The following AZI2 variants were observed in gnomAD, a reference collection of about 807,000 sequenced individuals.
AZI2 encodes the protein 5-azacytidine induced 2, also known as 5-azacytidine-induced protein 2.
In AZI2, 22 loss-of-function variants were observed where a neutral mutation model predicts 45.8. That is an observed-to-expected ratio of 0.48 (90% CI 0.34 to 0.69). The LOEUF is 0.69. AZI2 is among the 30% of genes least tolerant of loss of function. The pLI, the probability that AZI2 is intolerant of heterozygous loss-of-function variation, is 0.01. For synonymous variants in AZI2, 137 were observed against 156.7 expected (o/e 0.87, Z 0.94); for missense variants, 417 against 441.5 (o/e 0.94, Z 0.50).
At chr3:28,328,127 T>G (rs968574533) in intron 6 of AZI2, among the ~76,000 whole-genome samples, 4 of 151,026 alleles carry the variant, frequency 2.6e-5, no homozygotes, top group African/African-American at 9.7e-5. Flanking sequence ...TTTAGTCTGT[T>G]GTAAACATCA....
In AZI2 at chr3:28,340,547, G is replaced by A. The variant is rs1577138141; in HGVS notation, c.71C>T (p.Thr24Ile). Residue 24 changes from threonine (T) to isoleucine (I), a missense_variant, in exon 2 of 8, where the codon ACT becomes ATT. Thr to Ile is a moderately conservative substitution (Grantham distance 89). Transcript: ENST00000479665. ...ATCTCCTGAATATATTGAAACTGGA[G>A]TCACTGTATCTCTCTTATGGGCTTT... ...HEKAHKRDTVTPVSIYSGDES... is the reference protein window; with the variant it reads ...HEKAHKRDTVIPVSIYSGDES... 3 of 1,613,106 alleles carry A rather than the reference G, an allele frequency of 1.9e-6. No individual in the cohort carries two copies. The highest frequency in any genetic ancestry group is 1.1e-5 in the South Asian group (1 of 91,014).
In AZI2 at chr3:28,324,155, TAGG is replaced by T. The variant is rs1400198131; in HGVS notation, c.1063_1065del (p.Pro355del). The T allele has an allele frequency of 6.2e-7, 1 of 1,610,748 alleles. No individual in the cohort carries two copies. The highest frequency in any genetic ancestry group is 8.5e-7 in the Non-Finnish European group (1 of 1,177,658). ...TCCCCAAATGCTGTCTCACTTGATT[TAGG>T]AGGACTTGGAAATACCCAGGAATTG... is the stretch of plus-strand genomic sequence containing the variant. On this transcript the variant is annotated inframe_deletion, in exon 8 of 8. Transcript: ENST00000479665.
rs921238217 is a variant in AZI2 at position 28,323,871 on chromosome 3, A to C, written c.*171T>G. 4.5e-6 allele frequency: 3 copies of C among 661,554 alleles called. No homozygotes were observed. Among genetic ancestry groups the C allele is most frequent in the African/African-American group, 3.7e-5 (2 of 54,720 alleles). The allele number at this position is 661,554 out of a possible 1,614,324, so 41.0% of individuals were successfully genotyped here. On this transcript the variant is annotated 3_prime_UTR_variant, in exon 8 of 8. Transcript: ENST00000479665. The stretch of plus-strand genomic sequence containing the variant: ...GCTAGAGGGTGCTCTTTCATACTAG[A>C]AAACCAACTATGTTGGTTTTTGTAC...
chr3:28,341,667 A>T (rs1238767303), intron 1 of AZI2: 1 of 152,118 alleles, frequency 6.6e-6, no homozygotes, highest in East Asian at 1.9e-4. Context: ...ACAGAATAAG[A>T]GGGACTTTAG....
chr3:28,345,786 T>C (rs1367352267), intron 1 of AZI2, among the ~76,000 whole-genome samples: 2 of 152,144 alleles, frequency 1.3e-5, no homozygotes, highest in Admixed American at 1.3e-4. Flanking sequence ...ATGCTACGTA[T>C]GTCAAAGTTT....
intron 1 of AZI2, among the ~76,000 whole-genome samples, chr3:28,344,652 A>G (rs1324455919): frequency 3.3e-5 from 5 of 152,104 alleles, no homozygotes; most frequent in Admixed American, 1.3e-4. Context: ...GTAAAAGTGT[A>G]ACTGGCTATT....
intron 3 of AZI2, 149 bp from the exon 4 acceptor site, chr3:28,338,185 T>A: frequency 1.9e-6 from 1 of 513,642 alleles, no homozygotes; most frequent in East Asian, 3.2e-5. Context: ...ATGTCTTTTT[T>A]TCTTTTCCTA....
intron 6 of AZI2, among the ~76,000 whole-genome samples, chr3:28,331,369 AAAAAAG>A (rs1171460323): frequency 1.3e-5 from 2 of 151,498 alleles, no homozygotes; most frequent in South Asian, 2.1e-4. Context: ...ACATTTTTCA[AAAAAAG>A]AAAAAGTTTC....
chr3:28,330,977 T>A (rs539863989), intron 6 of AZI2, among the ~76,000 whole-genome samples: 30 of 151,494 alleles, frequency 2.0e-4, no homozygotes, highest in South Asian at 4.1e-4. Context: ...CTTGAAAATA[T>A]CTCCTTGGGA....
rs1174754127 is a variant in AZI2, at chr3:28,338,048, G to A, written c.340-12C>T. On this transcript the variant is annotated splice_polypyrimidine_tract_variant and intron_variant, in intron 3 of 7. Coordinates refer to ENST00000479665, the MANE Select transcript of AZI2 (RefSeq NM_022461.5). ...GAGTTGTCTTTATTCTAGTTAAGTA[G>A]GGAAAATGCCAAATTACATTCAATA... The A allele has an allele frequency of 2.1e-6, 3 of 1,458,102 alleles. No homozygotes were observed. In the Admixed American group the frequency reaches 5.5e-5, roughly 27 times the overall value. 90.3% of individuals were successfully genotyped at this position (1,458,102 alleles called of 1,614,324 possible).
intron 7 of AZI2, chr3:28,324,736 C>T: frequency 3.5e-6 from 1 of 285,516 alleles, no homozygotes; most frequent in Non-Finnish European, 6.5e-6. Flanking sequence ...CCAACTATGT[C>T]ATAGAGCTTT....
intron 4 of AZI2, chr3:28,337,169 A>G: frequency 3.4e-6 from 1 of 290,150 alleles, no homozygotes; most frequent in African/African-American, 2.2e-5. Flanking sequence ...AGGTTAAAAC[A>G]GTGATAAAAA....
In AZI2 at chr3:28,321,282, TAAATG is replaced by T. The variant is rs1186972526; in HGVS notation, c.*2755_*2759del. 1 of 151,306 alleles carries T rather than the reference TAAATG, an allele frequency of 6.6e-6. No homozygotes were observed. The highest frequency in any genetic ancestry group is 2.4e-5 in the African/African-American group (1 of 41,324). The allele number at this position is 151,306 out of a possible 1,614,324, so 9.4% of individuals were successfully genotyped here. A position where few individuals can be genotyped will look rare whatever the true frequency, so the allele number is the denominator to read the frequency against. On this transcript the variant is annotated 3_prime_UTR_variant, in exon 8 of 8. Coordinates refer to ENST00000479665, the MANE Select transcript of AZI2 (RefSeq NM_022461.5). ...ACAGGAAGTTAACTGTTTTTAGAGA[TAAATG>T]AAAATGGAAGAGTTACTTTAAGAAG...
Position 28,326,661 on chromosome 3 carries a change from T to C in AZI2, c.766+171A>G. On this transcript the variant is annotated intron_variant, in intron 7 of 7. Transcript: ENST00000479665. ...ATCAGCAACACCTTTATGTGTGAAG[T>C]TGACCAGTATGAGACTGAAGCCAAA... is the stretch of plus-strand genomic sequence containing the variant. 8.9e-6 allele frequency: 6 copies of C among 676,086 alleles called. No homozygotes were observed. In the Admixed American group the frequency reaches 9.4e-5, roughly 11 times the overall value. 41.9% of individuals were successfully genotyped at this position (676,086 alleles called of 1,614,324 possible). A position where few individuals can be genotyped will look rare whatever the true frequency, so the allele number is the denominator to read the frequency against.
Position 28,324,315 on chromosome 3 carries a change from A to G in AZI2, c.906T>C (p.Pro302=), listed in dbSNP as rs1703299068. 1 of 1,606,828 alleles carries G rather than the reference A, an allele frequency of 6.2e-7. No individual in the cohort carries two copies. Among genetic ancestry groups the G allele is most frequent in the African/African-American group, 1.3e-5 (1 of 74,498 alleles). Residue 302 remains proline (P), a synonymous_variant, in exon 8 of 8, where the codon CCT becomes CCC. Coordinates refer to ENST00000479665, the MANE Select transcript of AZI2 (RefSeq NM_022461.5). ...GKALCHTTSS[P]LPGDVKVLSE... ...ATAAAACCTTTACATCTCCTGGTAA[A>G]GGGGAAGATGTGGTATGACAAAGAG... is the stretch of plus-strand genomic sequence containing the variant.
rs1703180509 is a variant in AZI2, at chr3:28,321,304, T to C, written c.*2738A>G. On this transcript the variant is annotated 3_prime_UTR_variant, in exon 8 of 8. Coordinates refer to ENST00000479665, the MANE Select transcript of AZI2 (RefSeq NM_022461.5). ...AGATAAATGAAAATGGAAGAGTTACTTTAAGAAGCTAGTGAAATATACAAT... is the reference window on the plus strand; with the variant it reads ...AGATAAATGAAAATGGAAGAGTTACCTTAAGAAGCTAGTGAAATATACAAT... 1 of 151,422 alleles carries C rather than the reference T, an allele frequency of 6.6e-6. No individual in the cohort carries two copies. Among genetic ancestry groups the C allele is most frequent in the Non-Finnish European group, 1.5e-5 (1 of 67,560 alleles). 9.4% of individuals were successfully genotyped at this position (151,422 alleles called of 1,614,324 possible). A position where few individuals can be genotyped will look rare whatever the true frequency, so the allele number is the denominator to read the frequency against.
At position 28,336,833 on chromosome 3, in the gene AZI2, G is replaced by A; in HGVS notation, c.492C>T (p.Ser164=). 1 of 1,613,200 alleles carries A rather than the reference G, an allele frequency of 6.2e-7. No homozygotes were observed. The highest frequency in any genetic ancestry group is 1.3e-5 in the African/African-American group (1 of 74,978). The part of the protein sequence containing the change: ...PSSNWEVEKL[S]CDLKIHGLEQ... ...CCAAACCATGGATCTTCAGGTCACA[G>A]CTCAACTTTTCCACCTCCCAGTTTG... is the stretch of plus-strand genomic sequence containing the variant. Residue 164 remains serine (S), a synonymous_variant, in exon 5 of 8, where the codon AGC becomes AGT. Coordinates refer to ENST00000479665, the MANE Select transcript of AZI2 (RefSeq NM_022461.5).
intron 1 of AZI2, among the ~76,000 whole-genome samples, chr3:28,345,523 GA>G (rs1284947307): frequency 6.6e-6 from 1 of 151,876 alleles, no homozygotes; most frequent in Admixed American, 6.6e-5. Flanking sequence ...TATAAAAAGC[GA>G]ATTAGAAAAG....
At chr3:28,336,713 C>A in intron 5 of AZI2, 24 bp downstream of exon 5, 1 of 1,601,084 alleles carries the variant, frequency 6.2e-7, no homozygotes, top group Non-Finnish European at 8.5e-7. Context: ...TACTGAAATT[C>A]TCAATTTAAT....
Sources: gnomAD v4.1 joint callset for allele counts (sites outside exome capture counted in the v4.1 genomes callset) on GRCh38, gnomAD v4.1.1 for gene constraint, MANE v1.5 for transcripts, NCBI Gene and HGNC (gene_info 2026-07-23, HGNC 2026-07-21) for gene names.